Variants in BBS9 observed in about 807,000 individuals in gnomAD.
The protein encoded by BBS9 is Bardet-Biedl syndrome 9.
In BBS9, 89 loss-of-function variants were observed where a neutral mutation model predicts 117.7. The observed-to-expected ratio is 0.76, with a 90% CI of 0.64 to 0.90. The LOEUF is 0.90. Among genes scored for constraint, BBS9 ranks in the 40% least tolerant of loss-of-function variants. BBS9 has a pLI of 0.00. For synonymous variants in BBS9, 379 were observed against 370.9 expected (o/e 1.02, Z -0.25); for missense variants, 982 against 1,042.2 (o/e 0.94, Z 0.80).
chr7:33,161,498 A>G (rs1355106703), intron 4 of BBS9, among the ~76,000 whole-genome samples: 1 of 152,020 alleles, frequency 6.6e-6, no homozygotes, highest in Non-Finnish European at 1.5e-5. Flanking sequence ...TATGGGCTAC[A>G]TTTTCTTAAT....
At chr7:33,314,250 T>A (rs1472631153) in intron 9 of BBS9, 1 of 422,690 alleles carries the variant, frequency 2.4e-6, no homozygotes, top group Non-Finnish European at 4.6e-6. Flanking sequence ...TTTTTTTTTT[T>A]TTCTTACAGA....
intron 21 of BBS9, among the ~76,000 whole-genome samples, chr7:33,566,101 A>G (rs1856893971): frequency 6.6e-6 from 1 of 151,246 alleles, no homozygotes. Flanking sequence ...CTTCTGCCTT[A>G]TGGGTAACAG....
intron 1 of BBS9, among the ~76,000 whole-genome samples, chr7:33,141,249 TCCATCTCTAC>T: frequency 6.6e-6 from 1 of 152,038 alleles, no homozygotes; most frequent in East Asian, 1.9e-4. Context: ...ATGGGGAAAC[TCCATCTCTAC>T]TAAAATACAA....
At chr7:33,445,284 T>C (rs1836826702) in intron 19 of BBS9, among the ~76,000 whole-genome samples, 1 of 152,218 alleles carries the variant, frequency 6.6e-6, no homozygotes, top group African/African-American at 2.4e-5. Context: ...TTAGAACTGT[T>C]ATTATTTTAG....
rs372533868 is a variant in BBS9 at position 33,233,960 on chromosome 7, C to T, written c.443-23276C>T. Among the ~76,000 whole-genome samples, 62 of 152,140 alleles carry T rather than the reference C, an allele frequency of 4.1e-4. 1 individual carries two copies. The South Asian group carries it at 0.012, about 30-fold the overall frequency. On this transcript the variant is annotated intron_variant, in intron 5 of 22. Transcript: ENST00000242067. ...TTGAAAAATCCAGAAATAAACAATT[C>T]GTAAGTTTTAAATTGCTCTTCATTC...
intron 19 of BBS9, among the ~76,000 whole-genome samples, chr7:33,398,273 A>G (rs1165706343): frequency 6.6e-6 from 1 of 152,158 alleles, no homozygotes; most frequent in Non-Finnish European, 1.5e-5. Flanking sequence ...TTTCTGAGGG[A>G]GCCGTTTTCT....
intron 9 of BBS9, among the ~76,000 whole-genome samples, chr7:33,290,791 C>T (rs1803895628): frequency 6.6e-6 from 1 of 152,114 alleles, no homozygotes; most frequent in African/African-American, 2.4e-5. Context: ...CTTTATGTAT[C>T]ATTGAAATGA....
chr7:33,252,252 C>T (rs776388072), intron 5 of BBS9, among the ~76,000 whole-genome samples: 19 of 152,156 alleles, frequency 1.2e-4, no homozygotes, highest in Non-Finnish European at 2.4e-4. Context: ...CCAATTACCT[C>T]CCTCCCTCCA....
At chr7:33,464,732 T>G (rs1839923203) in intron 19 of BBS9, among the ~76,000 whole-genome samples, 1 of 152,026 alleles carries the variant, frequency 6.6e-6, no homozygotes, top group Non-Finnish European at 1.5e-5. Context: ...ATTTATCAGT[T>G]AATTTTATTA....
At position 33,386,457 on chromosome 7, in the gene BBS9, TTTA is replaced by T. The variant is rs1202905309; in HGVS notation, c.1963-1532_1963-1530del. On this transcript the variant is annotated intron_variant, in intron 18 of 22. Transcript: ENST00000242067. ...TGTGACTTTGACTAGCTTGCTTTCA[TTTA>T]TTTATTTATTTATTTATTTATTTAT... is the stretch of plus-strand genomic sequence containing the variant. Among the ~76,000 whole-genome samples the T allele has an allele frequency of 3.0e-3, 36 of 11,938 alleles. 2 individuals carry two copies. In the Admixed American group the frequency reaches 0.041, roughly 14 times the overall value. The allele number at this position is 11,938 out of a possible 152,430, so 7.8% of individuals were successfully genotyped here. A position where few individuals can be genotyped will look rare whatever the true frequency, so the allele number is the denominator to read the frequency against.
intron 1 of BBS9, among the ~76,000 whole-genome samples, chr7:33,134,213 CTATTT>C (rs760341084): frequency 7.6e-6 from 1 of 131,728 alleles, no homozygotes; most frequent in Non-Finnish European, 1.6e-5. Context: ...TCACGCCTGG[CTATTT>C]TTTTTTTTTT....
chr7:33,422,768 T>G lies in BBS9; in HGVS notation c.2115+34624T>G, dbSNP rs545412043. 4.6e-5 allele frequency among the ~76,000 whole-genome samples: 7 copies of G among 152,324 alleles called. No homozygotes were observed. The South Asian group carries it at 1.5e-3, about 32-fold the overall frequency. ...TTAATAAATGCGAATGTTCAGTTTA[T>G]TTTTTATTTTTATTTTTTAAAAATA... On this transcript the variant is annotated intron_variant, in intron 19 of 22. Coordinates refer to ENST00000242067, the MANE Select transcript of BBS9 (RefSeq NM_198428.3).
At chr7:33,530,034 A>G (rs1850325484) in intron 20 of BBS9, among the ~76,000 whole-genome samples, 1 of 152,206 alleles carries the variant, frequency 6.6e-6, no homozygotes, top group Non-Finnish European at 1.5e-5. Flanking sequence ...CTGAGATTCT[A>G]GATTCCACAG....
intron 21 of BBS9, among the ~76,000 whole-genome samples, chr7:33,583,913 A>T (rs1352931700): frequency 6.6e-6 from 1 of 152,146 alleles, no homozygotes; most frequent in Non-Finnish European, 1.5e-5. Flanking sequence ...GTTATTATAT[A>T]TATCTCATTT....
chr7:33,137,067 C>G (rs747467226), intron 1 of BBS9, among the ~76,000 whole-genome samples: 8 of 151,964 alleles, frequency 5.3e-5, no homozygotes, highest in African/African-American at 9.7e-5. Context: ...TTGGGTGTAT[C>G]AGTGGATTAT....
chr7:33,554,625 G>A lies in BBS9; in HGVS notation c.2521+20449G>A, dbSNP rs561854422. 5.2e-4 allele frequency among the ~76,000 whole-genome samples: 79 copies of A among 152,244 alleles called. 1 individual carries two copies. Among genetic ancestry groups the A allele is most frequent in the Middle Eastern group, 3.4e-3 (1 of 294 alleles). On this transcript the variant is annotated intron_variant, in intron 21 of 22. Coordinates refer to ENST00000242067, the MANE Select transcript of BBS9 (RefSeq NM_198428.3). ...TATGTGAGTTGGGGAGGGCAGAATC[G>A]AAGACTCAGTTTTGGCTATATTCCA...
chr7:33,380,353 C>A (rs1210409661), intron 17 of BBS9: 1 of 157,722 alleles, frequency 6.3e-6, no homozygotes, highest in East Asian at 1.8e-4. Flanking sequence ...CTCTCCTTGG[C>A]CTTGTGCCCC....
intron 9 of BBS9, among the ~76,000 whole-genome samples, chr7:33,288,406 T>C (rs192726461): frequency 3.3e-5 from 5 of 152,304 alleles, no homozygotes; most frequent in Non-Finnish European, 2.9e-5. Context: ...TTGGCAAGAC[T>C]GTAACAGTTT....
chr7:33,525,887 A>C (rs375819949), intron 20 of BBS9, among the ~76,000 whole-genome samples: 5 of 151,386 alleles, frequency 3.3e-5, no homozygotes, highest in African/African-American at 7.3e-5. Flanking sequence ...CGGCTGGTAC[A>C]GGTTGTTCCT....
Sources: gnomAD v4.1 joint callset for allele counts (sites outside exome capture counted in the v4.1 genomes callset) on GRCh38, gnomAD v4.1.1 for gene constraint, MANE v1.5 for transcripts, NCBI Gene and HGNC (gene_info 2026-07-23, HGNC 2026-07-21) for gene names.